Variants in JARID2 observed in about 807,000 individuals in gnomAD.
JARID2 encodes jumonji and AT-rich interaction domain containing 2, also known as protein Jumonji.
A neutral mutation model predicts 125.6 loss-of-function variants in JARID2; 21 were observed. The ratio of observed to expected loss-of-function variants is 0.17; its 90% confidence interval spans 0.12 to 0.24. The LOEUF is 0.24. Ranked by LOEUF, JARID2 falls within the 10% of genes least tolerant of loss-of-function variation. The pLI, the probability that JARID2 is intolerant of heterozygous loss-of-function variation, is 1.00. For missense variants in JARID2, 1,303 were observed against 1,639.6 expected (o/e 0.79, Z 3.55); for synonymous variants, 736 against 661.6 (o/e 1.11, Z -1.73).
At chr6:15,423,914 C>T (rs1021524685) in intron 3 of JARID2, among the ~76,000 whole-genome samples, 6 of 152,064 alleles carry the variant, frequency 3.9e-5, no homozygotes, top group South Asian at 4.1e-4. Flanking sequence ...GGTGGAGCTC[C>T]GTTTTTGTTT....
intron 16 of JARID2, 95 bp from the exon 17 acceptor site, chr6:15,517,066 G>A (rs1000537003): frequency 4.7e-6 from 4 of 849,194 alleles, no homozygotes; most frequent in Admixed American, 1.8e-5. Flanking sequence ...GGCAGTGGGT[G>A]TGGTGGCTGC....
intron 1 of JARID2, among the ~76,000 whole-genome samples, chr6:15,292,390 A>G (rs1158862781): frequency 6.6e-6 from 1 of 152,148 alleles, no homozygotes; most frequent in Non-Finnish European, 1.5e-5. Context: ...GTAATTTTCT[A>G]TACAGTGAAT....
In JARID2 at chr6:15,512,226, T is replaced by C. The variant is rs778992015; in HGVS notation, c.2971T>C (p.Cys991Arg). ...TCCCCAGATCTCCCCGGAGGTGCTGTGCAAAGAGGGGATCAAGGTGCACAG... is the reference window on the plus strand; with the variant it reads ...TCCCCAGATCTCCCCGGAGGTGCTGCGCAAAGAGGGGATCAAGGTGCACAG... ...SNVMISPEVLCKEGIKVHRTV... is the reference protein window; with the variant it reads ...SNVMISPEVLRKEGIKVHRTV... Residue 991 changes from cysteine to arginine, a missense_variant, in exon 14 of 18, where the codon TGC (cysteine) becomes CGC (arginine). By Grantham distance (180) the Cys-to-Arg change is radical. Transcript: ENST00000341776. 1.2e-6 allele frequency: 2 copies of C among 1,614,080 alleles called. No individual in the cohort carries two copies. The highest frequency in any genetic ancestry group is 2.2e-5 in the East Asian group (1 of 44,860).
At chr6:15,452,423 G>A (rs1767959494) in intron 4 of JARID2, among the ~76,000 whole-genome samples, 1 of 151,868 alleles carries the variant, frequency 6.6e-6, no homozygotes, top group Admixed American at 6.6e-5. Context: ...GCTTCTCAAT[G>A]CACAATTATG....
intron 2 of JARID2, among the ~76,000 whole-genome samples, chr6:15,404,149 G>A (rs944415693): frequency 1.3e-5 from 2 of 152,184 alleles, no homozygotes; most frequent in African/African-American, 4.8e-5. Flanking sequence ...CCAGTGTGTT[G>A]ATCTGGTGAG....
intron 3 of JARID2, among the ~76,000 whole-genome samples, chr6:15,421,669 C>T (rs931425445): frequency 2.6e-5 from 4 of 152,048 alleles, no homozygotes; most frequent in African/African-American, 9.7e-5. Context: ...AAGGTTTTAC[C>T]ACCCTCACTT....
intron 2 of JARID2, among the ~76,000 whole-genome samples, chr6:15,383,409 C>T (rs1168374459): frequency 1.3e-5 from 2 of 151,652 alleles, no homozygotes; most frequent in Non-Finnish European, 2.9e-5. Context: ...TGGAAATTAT[C>T]CCTCCTTCAT....
chr6:15,318,649 T>G (rs1158253825), intron 1 of JARID2, among the ~76,000 whole-genome samples: 1 of 152,158 alleles, frequency 6.6e-6, no homozygotes, highest in Non-Finnish European at 1.5e-5. Flanking sequence ...CAGAGGATTG[T>G]CATTTGAGGC....
At chr6:15,442,388 C>T (rs1378103598) in intron 3 of JARID2, among the ~76,000 whole-genome samples, 17 of 152,348 alleles carry the variant, frequency 1.1e-4, no homozygotes, top group Non-Finnish European at 2.4e-4. Context: ...CTCCTTGTAA[C>T]TACAACAGCC....
rs1004880262 is a variant in JARID2, at chr6:15,360,180, TTTAA to T, written c.46-13926_46-13923del. ...ATTTCTATTTTATTCCTTTATAATATTTAATTAATTAATTTTTTTTGAGACTGAG... is the reference window on the plus strand; with the variant it reads ...ATTTCTATTTTATTCCTTTATAATATTTAATTAATTTTTTTTGAGACTGAG... On this transcript the variant is annotated intron_variant, in intron 1 of 17. Coordinates refer to ENST00000341776, the MANE Select transcript of JARID2 (RefSeq NM_004973.4). Among the ~76,000 whole-genome samples the T allele has an allele frequency of 1.9e-4, 29 of 152,176 alleles. No homozygotes were observed. In the East Asian group the frequency reaches 1.9e-3, roughly 10 times the overall value.
intron 1 of JARID2, among the ~76,000 whole-genome samples, chr6:15,278,431 A>G (rs910441036): frequency 2.6e-5 from 4 of 151,580 alleles, no homozygotes; most frequent in Non-Finnish European, 5.9e-5. Context: ...CTAAAAATAC[A>G]AAAAATTAGC....
chr6:15,518,854 C>G (rs1771691196), intron 17 of JARID2, among the ~76,000 whole-genome samples: 1 of 152,180 alleles, frequency 6.6e-6, no homozygotes, highest in African/African-American at 2.4e-5. Context: ...TCCCAGTGTG[C>G]CCAGTACACA....
rs865888750 is a variant in JARID2 at position 15,366,512 on chromosome 6, G to C, written c.46-7605G>C. ...ATCTCTATATGTGGGTGGGGGGCGG[G>C]GGGGGCGGGGGGGGTGGGGGGTGGG... On this transcript the variant is annotated intron_variant, in intron 1 of 17. Transcript: ENST00000341776. Among the ~76,000 whole-genome samples the C allele has an allele frequency of 8.8e-3, 1,194 of 135,530 alleles. 15 individuals carry two copies. Among genetic ancestry groups the C allele is most frequent in the Middle Eastern group, 0.019 (5 of 270 alleles). 88.9% of individuals were successfully genotyped at this position (135,530 alleles called of 152,430 possible). A position where few individuals can be genotyped will look rare whatever the true frequency, so the allele number is the denominator to read the frequency against.
chr6:15,383,623 C>G (rs1764674148), intron 2 of JARID2, among the ~76,000 whole-genome samples: 2 of 152,168 alleles, frequency 1.3e-5, no homozygotes, highest in African/African-American at 4.8e-5. Flanking sequence ...TATCCCCCAG[C>G]CTTCCTTTGC....
intron 3 of JARID2, among the ~76,000 whole-genome samples, chr6:15,447,203 T>G (rs1475005972): frequency 6.6e-6 from 1 of 152,202 alleles, no homozygotes; most frequent in Admixed American, 6.5e-5. Context: ...AATAAAATGT[T>G]ATCCTCTGAA....
chr6:15,270,939 T>TAACAGAG (rs1760274608), intron 1 of JARID2, among the ~76,000 whole-genome samples: 1 of 149,610 alleles, frequency 6.7e-6, no homozygotes, highest in Admixed American at 6.6e-5. Context: ...AGGCTCCCTC[T>TAACAGAG]CAAAAAAAAA....
chr6:15,511,871 A>T (rs1487855138), intron 13 of JARID2, among the ~76,000 whole-genome samples: 2 of 152,160 alleles, frequency 1.3e-5, no homozygotes, highest in Non-Finnish European at 2.9e-5. Flanking sequence ...TTGTAAGCCC[A>T]GCCTGTGGGC....
At chr6:15,463,552 T>C (rs1486780270) in intron 4 of JARID2, among the ~76,000 whole-genome samples, 1 of 151,156 alleles carries the variant, frequency 6.6e-6, no homozygotes, top group African/African-American at 2.4e-5. Context: ...TGCTTCAGCC[T>C]CCCTAGTAGC....
intron 2 of JARID2, among the ~76,000 whole-genome samples, chr6:15,392,456 G>A (rs1057122207): frequency 1.3e-5 from 2 of 152,074 alleles, no homozygotes; most frequent in Non-Finnish European, 2.9e-5. Flanking sequence ...CTGTTTATGG[G>A]GGAGGTGGTG....
Sources: gnomAD v4.1 joint callset for allele counts (sites outside exome capture counted in the v4.1 genomes callset) on GRCh38, gnomAD v4.1.1 for gene constraint, MANE v1.5 for transcripts, NCBI Gene and HGNC (gene_info 2026-07-23, HGNC 2026-07-21) for gene names.